Variants in LRFN5 observed in about 807,000 individuals in gnomAD.
LRFN5 encodes leucine-rich repeat and fibronectin type-III domain-containing protein 5.
A neutral mutation model predicts 45.6 loss-of-function variants in LRFN5; 24 were observed. The ratio of observed to expected loss-of-function variants is 0.53; its 90% CI spans 0.38 to 0.74. The LOEUF (loss-of-function observed/expected upper bound fraction) is 0.74, where lower values mean the gene tolerates loss of function less well. Among genes scored for constraint, LRFN5 ranks in the 30% least tolerant of loss-of-function variants. The probability of loss-of-function intolerance (pLI) is 0.00; values close to 1 mark genes in which losing one functional copy is unlikely to be tolerated. For missense variants in LRFN5, 776 were observed against 861.5 expected, an observed-to-expected ratio of 0.90 and a Z score of 1.24; for synonymous variants, 340 against 313.8, an observed-to-expected ratio of 1.08 and a Z score of -0.88.
chr14:41,757,219 G>A (rs1470857264), intron 1 of LRFN5, among the ~76,000 whole-genome samples: 1 of 152,208 alleles, frequency 6.6e-6, no homozygotes, highest in Non-Finnish European at 1.5e-5. Flanking sequence ...CCCACTTGAG[G>A]AGGCAGTCTG....
rs1291014188 is a variant in LRFN5, at chr14:41,781,606, AAGAAAGAAAG to A, written c.-21+14589_-21+14598del. ...AAAGAAAGAAAGAAAGAAAGAAAGA[AAGAAAGAAAG>A]AGAAAGAAAGAAAGAAAGGAAAGAA... is the stretch of plus-strand genomic sequence containing the variant. On this transcript the variant is annotated intron_variant, in intron 2 of 5. Coordinates refer to ENST00000298119, the MANE Select transcript of LRFN5 (RefSeq NM_152447.5). 3.4e-3 allele frequency among the ~76,000 whole-genome samples: 312 copies of A among 90,774 alleles called. 10 individuals carry two copies. Among genetic ancestry groups the A allele is most frequent in the African/African-American group, 0.016 (297 of 18,588 alleles). 59.6% of individuals were successfully genotyped at this position (90,774 alleles called of 152,430 possible). A position where few individuals can be genotyped will look rare whatever the true frequency, so the allele number is the denominator to read the frequency against.
intron 2 of LRFN5, among the ~76,000 whole-genome samples, chr14:41,870,060 G>A (rs1889966875): frequency 6.6e-6 from 1 of 152,118 alleles, no homozygotes; most frequent in South Asian, 2.1e-4. Context: ...TCATGGAGTA[G>A]GAATCTAAAC....
chr14:41,753,211 C>G lies in LRFN5; in HGVS notation c.-196-13643C>G, dbSNP rs1361413853. ...AAGTCAGGTAGCATGATGCCTCCAG[C>G]TTTGTTCTTTTGGCTTAGGATTGAC... On this transcript the variant is annotated intron_variant, in intron 1 of 5. Transcript: ENST00000298119. Among the ~76,000 whole-genome samples the G allele has an allele frequency of 4.7e-5, 7 of 150,324 alleles. No homozygotes were observed. The East Asian group carries it at 1.4e-3, about 30-fold the overall frequency.
At chr14:41,621,559 C>T (rs888640708) in intron 1 of LRFN5, among the ~76,000 whole-genome samples, 4 of 152,086 alleles carry the variant, frequency 2.6e-5, no homozygotes, top group African/African-American at 4.8e-5. Context: ...AATTATATGA[C>T]GGTCCCGAGC....
intron 1 of LRFN5, among the ~76,000 whole-genome samples, chr14:41,749,181 A>G (rs1885033116): frequency 6.7e-6 from 1 of 150,304 alleles, no homozygotes; most frequent in South Asian, 2.2e-4. Flanking sequence ...TACTGTTGCA[A>G]TGACAATTAA....
At chr14:41,719,819 A>T (rs1014761170) in intron 1 of LRFN5, among the ~76,000 whole-genome samples, 5 of 151,644 alleles carry the variant, frequency 3.3e-5, no homozygotes, top group African/African-American at 1.2e-4. Context: ...CAGTTATGCG[A>T]TTGCTATGTT....
chr14:41,650,266 C>CACACACACACAAAA (rs1247683262), intron 1 of LRFN5, among the ~76,000 whole-genome samples: 123 of 135,494 alleles, frequency 9.1e-4, no homozygotes, highest in African/African-American at 3.2e-3. Flanking sequence ...CACACACACA[C>CACACACACACAAAA]AAAAAAAAAA....
intron 1 of LRFN5, among the ~76,000 whole-genome samples, chr14:41,666,492 A>G (rs183741584): frequency 6.6e-6 from 1 of 152,260 alleles, no homozygotes; most frequent in Admixed American, 6.5e-5. Context: ...TACTCCTGCT[A>G]AATGGCAAAA....
intron 2 of LRFN5, among the ~76,000 whole-genome samples, chr14:41,819,424 ATGT>A (rs1174769093): frequency 6.6e-6 from 1 of 152,112 alleles, no homozygotes; most frequent in Non-Finnish European, 1.5e-5. Context: ...TTCACGAAAG[ATGT>A]TATCTCATTG....
At chr14:41,810,061 TA>T (rs1887684202) in intron 2 of LRFN5, among the ~76,000 whole-genome samples, 1 of 152,060 alleles carries the variant, frequency 6.6e-6, no homozygotes, top group African/African-American at 2.4e-5. Context: ...TCTTTAATAA[TA>T]AAAATTAACA....
intron 2 of LRFN5, among the ~76,000 whole-genome samples, chr14:41,781,091 A>G (rs886457627): frequency 3.3e-5 from 5 of 152,170 alleles, no homozygotes; most frequent in African/African-American, 1.2e-4. Context: ...ATTGATTAAG[A>G]ACAGGGAAAA....
At chr14:41,834,971 A>G (rs1888611183) in intron 2 of LRFN5, among the ~76,000 whole-genome samples, 1 of 151,752 alleles carries the variant, frequency 6.6e-6, no homozygotes, top group South Asian at 2.1e-4. Flanking sequence ...CCTGGGACTG[A>G]CATTTGAATG....
At chr14:41,770,795 G>T (rs552751967) in intron 2 of LRFN5, among the ~76,000 whole-genome samples, 92 of 152,188 alleles carry the variant, frequency 6.0e-4, no homozygotes, top group Middle Eastern at 3.4e-3. Context: ...GAGGACAATG[G>T]TTTCCTTCCC....
At chr14:41,721,762 T>C (rs903761881) in intron 1 of LRFN5, among the ~76,000 whole-genome samples, 7 of 152,184 alleles carry the variant, frequency 4.6e-5, no homozygotes, top group Admixed American at 1.3e-4. Context: ...ATTCCCTTTG[T>C]ATGTAATCTA....
At chr14:41,874,522 C>T (rs1216899064) in intron 2 of LRFN5, among the ~76,000 whole-genome samples, 1 of 152,306 alleles carries the variant, frequency 6.6e-6, no homozygotes, top group East Asian at 1.9e-4. Flanking sequence ...TGCCTACCCA[C>T]ATTTTATATA....
chr14:41,788,008 G>A (rs922011314), intron 2 of LRFN5, among the ~76,000 whole-genome samples: 30 of 152,198 alleles, frequency 2.0e-4, no homozygotes, highest in Middle Eastern at 3.4e-3. Context: ...AAGATATAGT[G>A]AGAAGGCAGC....
intron 2 of LRFN5, among the ~76,000 whole-genome samples, chr14:41,856,679 T>TTTTTATTTTTTTTTA (rs1889476306): frequency 1.7e-5 from 1 of 60,100 alleles, no homozygotes; most frequent in Non-Finnish European, 3.7e-5. Context: ...ATTATTATTT[T>TTTTTATTTTTTTTTA]TTTTTTTTTT....
intron 1 of LRFN5, among the ~76,000 whole-genome samples, chr14:41,647,997 T>A (rs1326546912): frequency 6.6e-6 from 1 of 152,208 alleles, no homozygotes; most frequent in Non-Finnish European, 1.5e-5. Context: ...TTTGAGGCAG[T>A]ATATCTCTAT....
In LRFN5 at chr14:41,615,874, A is replaced by G. The variant is rs148512504; in HGVS notation, c.-197+7312A>G. Among the ~76,000 whole-genome samples the G allele has an allele frequency of 2.8e-3, 421 of 152,260 alleles. 6 individuals are homozygous for G. The highest frequency in any genetic ancestry group is 9.6e-3 in the African/African-American group (397 of 41,560). ...GGAGATGTTTTGATACAGGCATGCA[A>G]TGTGAAATAAGCACATCATGGTGAA... On this transcript the variant is annotated intron_variant, in intron 1 of 5. Transcript: ENST00000298119.
Sources: allele counts gnomAD v4.1 joint callset (sites outside exome capture counted in the v4.1 genomes callset), GRCh38; gene constraint gnomAD v4.1.1; transcripts MANE v1.5; gene names NCBI Gene and HGNC (gene_info 2026-07-23, HGNC 2026-07-21).